KALRN: variants seen among roughly 807,000 people sequenced by gnomAD.
The protein encoded by KALRN is kalirin.
Under a neutral mutation model 353.7 loss-of-function variants are expected in KALRN, and 70 were observed. The ratio of observed to expected loss-of-function variants is 0.20; its 90% CI spans 0.16 to 0.24. The LOEUF (loss-of-function observed/expected upper bound fraction) is 0.24, where lower values mean the gene tolerates loss of function less well. Ranked by LOEUF, KALRN falls within the 10% of genes least tolerant of loss-of-function variation. The pLI, the probability that KALRN is intolerant of heterozygous loss-of-function variation, is 1.00. For synonymous variants in KALRN, 1,391 were observed against 1,434.8 expected (o/e 0.97, Z 0.69); for missense variants, 2,791 against 3,756.7 (o/e 0.74, Z 6.72).
intron 33 of KALRN, among the ~76,000 whole-genome samples, chr3:124,515,969 A>G (rs1015945027): frequency 6.6e-6 from 1 of 152,192 alleles, no homozygotes; most frequent in African/African-American, 2.4e-5. Context: ...AGTATCACCC[A>G]TATGAGTTTA....
intron 1 of KALRN, chr3:124,164,796 T>C (rs1285116514): frequency 2.0e-5 from 3 of 152,234 alleles, no homozygotes; most frequent in Admixed American, 6.5e-5. Context: ...TTGTAGAAAA[T>C]GTCCAAGTCT....
chr3:124,369,887 A>G (rs1195781156), intron 10 of KALRN, among the ~76,000 whole-genome samples: 1 of 152,048 alleles, frequency 6.6e-6, no homozygotes, highest in Non-Finnish European at 1.5e-5. Flanking sequence ...TGTGCCTGGC[A>G]TATCCCGCTT....
At chr3:124,285,467 C>T (rs138579856) in intron 5 of KALRN, among the ~76,000 whole-genome samples, 5 of 152,070 alleles carry the variant, frequency 3.3e-5, no homozygotes, top group African/African-American at 4.8e-5. Context: ...GCAATCTATC[C>T]GTGTAACAAA....
At chr3:124,144,533 GTCCTCCTCCTCTTCCTCATCATCC>G in intron 1 of KALRN, among the ~76,000 whole-genome samples, 1 of 148,504 alleles carries the variant, frequency 6.7e-6, no homozygotes, top group South Asian at 2.2e-4. Flanking sequence ...CCTCTTCCTC[GTCCTCCTCCTCTTCCTCATCATCC>G]TCCTCCTCCT....
intron 15 of KALRN, among the ~76,000 whole-genome samples, chr3:124,426,294 G>C (rs1256262860): frequency 1.3e-5 from 2 of 152,174 alleles, no homozygotes; most frequent in Non-Finnish European, 2.9e-5. Context: ...GTATTGATCA[G>C]TGATGCTAAA....
chr3:124,323,334 G>A (rs1174376407), intron 6 of KALRN, among the ~76,000 whole-genome samples: 1 of 152,110 alleles, frequency 6.6e-6, no homozygotes, highest in Non-Finnish European at 1.5e-5. Context: ...GGAAGCACTT[G>A]CTTCATTTTG....
In KALRN at chr3:124,488,289, A is replaced by G. The variant is rs774277207; in HGVS notation, c.4370A>G (p.Asp1457Gly). The G allele has an allele frequency of 6.2e-7, 1 of 1,612,888 alleles. No homozygotes were observed. Among genetic ancestry groups the G allele is most frequent in the East Asian group, 2.2e-5 (1 of 44,900 alleles). ...VMLSVPKKAN[D>G]AMHVSMLEGF... The stretch of plus-strand genomic sequence containing the variant: ...CTCAGTGTCCCAAAGAAAGCCAATG[A>G]TGCCATGCATGTCAGCATGCTGGAA... Residue 1457 changes from aspartate to glycine, a missense_variant, in exon 29 of 60, where the codon GAT becomes GGT. Physicochemically the swap from Asp to Gly is moderately conservative, Grantham distance 94. Around this residue, in one of 11 missense-constraint regions of KALRN, gnomAD observed 54 missense variants for 131.7 expected, o/e 0.41. Transcript: ENST00000682506.
chr3:124,300,367 C>T lies in KALRN; in HGVS notation c.1092+1454C>T, dbSNP rs530610431. Among the ~76,000 whole-genome samples the T allele has an allele frequency of 3.9e-5, 6 of 152,238 alleles. No homozygotes were observed. The South Asian group carries it at 1.2e-3, about 32-fold the overall frequency. On this transcript the variant is annotated intron_variant, in intron 6 of 59. Coordinates refer to ENST00000682506, the MANE Select transcript of KALRN (RefSeq NM_001388419.1). ...AAACAACAGAGGTTTGTTTATTGTT[C>T]CTACCACACACCCATCCCTAGCTTG...
At chr3:124,439,241 G>A (rs1452166139) in intron 18 of KALRN, among the ~76,000 whole-genome samples, 3 of 117,420 alleles carry the variant, frequency 2.6e-5, no homozygotes, top group African/African-American at 1.2e-4. Context: ...CACACACGCA[G>A]CTTCAAACAT....
At chr3:124,573,908 C>T (rs1481189627) in intron 34 of KALRN, among the ~76,000 whole-genome samples, 1 of 152,158 alleles carries the variant, frequency 6.6e-6, no homozygotes, top group African/African-American at 2.4e-5. Flanking sequence ...TTGGCTTGTA[C>T]CTCTGGCACC....
intron 1 of KALRN, among the ~76,000 whole-genome samples, chr3:124,204,047 C>T (rs2076191457): frequency 6.6e-6 from 1 of 152,178 alleles, no homozygotes; most frequent in Non-Finnish European, 1.5e-5. Context: ...GTCCTGGAAC[C>T]AAACTTCTGT....
At chr3:124,461,422 A>G (rs774996219) in intron 23 of KALRN, among the ~76,000 whole-genome samples, 2 of 152,126 alleles carry the variant, frequency 1.3e-5, no homozygotes, top group Non-Finnish European at 2.9e-5. Context: ...AACCTGGTTT[A>G]TTATGATACT....
chr3:124,300,707 T>G (rs2077197432), intron 6 of KALRN, among the ~76,000 whole-genome samples: 2 of 152,132 alleles, frequency 1.3e-5, no homozygotes, highest in South Asian at 4.1e-4. Context: ...CTGAAAGATG[T>G]TAGGTAGAGG....
intron 33 of KALRN, among the ~76,000 whole-genome samples, chr3:124,514,169 G>A (rs76882502): frequency 0.11 from 16,123 of 152,208 alleles, 1,057 homozygotes; most frequent in Non-Finnish European, 0.15. Flanking sequence ...TTTCCAGTCT[G>A]GGCTCTGGTT....
At chr3:124,704,678 G>A (rs140305856) in intron 57 of KALRN, among the ~76,000 whole-genome samples, 2,560 of 152,208 alleles carry the variant, frequency 0.017, 35 homozygotes, top group Middle Eastern at 0.044. Flanking sequence ...CTCCCAAGTA[G>A]CTGGGACTAC....
intron 3 of KALRN, among the ~76,000 whole-genome samples, chr3:124,240,589 C>T (rs546914590): frequency 5.9e-5 from 9 of 152,246 alleles, no homozygotes; most frequent in African/African-American, 2.2e-4. Context: ...GGAATTGGTA[C>T]CTTGACCCCA....
rs536452305 is a variant in KALRN at position 124,508,277 on chromosome 3, T to C, written c.4935+11864T>C. Among the ~76,000 whole-genome samples the C allele has an allele frequency of 9.2e-5, 14 of 152,358 alleles. No individual in the cohort carries two copies. The South Asian group carries it at 2.9e-3, about 32-fold the overall frequency. On this transcript the variant is annotated intron_variant, in intron 33 of 59. Transcript: ENST00000682506. ...TTGCTGGCTTTTCAGAATCCCCGTT[T>C]GTGCCCCTCCCTGGTCACAACCCTG... is the stretch of plus-strand genomic sequence containing the variant.
intron 6 of KALRN, among the ~76,000 whole-genome samples, chr3:124,311,373 GAAT>G (rs2078255119): frequency 6.6e-6 from 1 of 151,270 alleles, no homozygotes; most frequent in Non-Finnish European, 1.5e-5. Flanking sequence ...CGAAGCAGGA[GAAT>G]CGCTTGAACT....
chr3:124,508,418 G>C (rs1484405920), intron 33 of KALRN, among the ~76,000 whole-genome samples: 1 of 152,098 alleles, frequency 6.6e-6, no homozygotes, highest in Non-Finnish European at 1.5e-5. Context: ...TATATGACTA[G>C]AATCATTCTA....
Sources: allele counts gnomAD v4.1 joint callset (sites outside exome capture counted in the v4.1 genomes callset), GRCh38; gene constraint gnomAD v4.1.1; regional missense constraint gnomAD v4.1.1; transcripts MANE v1.5; gene names NCBI Gene and HGNC (gene_info 2026-07-23, HGNC 2026-07-21).